TLE5: variants seen among roughly 807,000 people sequenced by gnomAD.
The protein encoded by TLE5 is TLE family member 5.
A neutral mutation model predicts 25.8 loss-of-function variants in TLE5; 7 were observed. The observed-to-expected ratio is 0.27, with a 90% confidence interval of 0.15 to 0.51. The LOEUF (loss-of-function observed/expected upper bound fraction) is 0.51. TLE5 is among the 20% of genes least tolerant of loss of function. The pLI is 0.97. For synonymous variants in TLE5, 132 were observed against 110.5 expected, an observed-to-expected ratio of 1.20 and a Z score of -1.22; for missense variants, 149 against 250.7, an observed-to-expected ratio of 0.59 and a Z score of 2.74.
chr19:3,062,859 T>C (rs11539938), upstream of TLE5: 628,107 of 1,502,992 alleles, frequency 0.42, 134,161 homozygotes, highest in East Asian at 0.53. Context: ...TGCTGAGCCT[T>C]AGTTTCCTTT....
intron 5 of TLE5, chr19:3,054,888 G>A (rs2090204149): frequency 6.6e-6 from 1 of 152,392 alleles, no homozygotes; most frequent in Non-Finnish European, 1.5e-5. Context: ...GGGCAAAGCA[G>A]GGCACCCAAA....
At chr19:3,056,219 G>T in intron 4 of TLE5, 93 bp downstream of exon 4, 1 of 903,686 alleles carries the variant, frequency 1.1e-6, no homozygotes, top group Non-Finnish European at 1.6e-6. Flanking sequence ...AGGGCCGGCC[G>T]CTACCTGCCT....
In TLE5 at chr19:3,057,697, C is replaced by T; in HGVS notation, c.171G>A (p.Met57Ile). ...CDKLASEKSE[M>I]QRHYVMYYEM... ...ACGTTACCATCACATAGTGACGCTG[C>T]ATCTCTGACTTCTCACTGGCCAACT... The change falls in exon 3 of 7, where the codon ATG becomes ATA. Residue 57 changes from methionine (M) to isoleucine (I), a missense_variant. Transcript: ENST00000327141. 1.2e-6 allele frequency: 2 copies of T among 1,613,670 alleles called. No individual in the cohort carries two copies. The highest frequency in any genetic ancestry group is 8.5e-7 in the Non-Finnish European group (1 of 1,179,946).
At chr19:3,062,607 C>G (rs2090282066), upstream of TLE5, 15 of 1,074,052 alleles carry the variant, frequency 1.4e-5, no homozygotes, top group Non-Finnish European at 1.7e-5. Flanking sequence ...CGGATCCCCA[C>G]GCCGGCCCGC....
intron 1 of TLE5, among the ~76,000 whole-genome samples, chr19:3,061,563 C>T (rs1006121342): frequency 6.6e-6 from 1 of 151,836 alleles, no homozygotes; most frequent in Non-Finnish European, 1.5e-5. Context: ...TCCAAAGCGC[C>T]GGGAGGGAGT....
chr19:3,062,514 G>T, upstream of TLE5: 3 of 638,868 alleles, frequency 4.7e-6, no homozygotes, highest in South Asian at 6.8e-5. Context: ...CTCGGCTGCT[G>T]CGGAGGCTTC....
intron 1 of TLE5, among the ~76,000 whole-genome samples, chr19:3,061,894 G>GC (rs1555697658): frequency 6.9e-6 from 1 of 145,268 alleles, no homozygotes; most frequent in Non-Finnish European, 1.5e-5. Flanking sequence ...GTTGGGGGGG[G>GC]GGGGCGCCAA....
At chr19:3,059,382 T>C (rs1437261723) in intron 2 of TLE5, among the ~76,000 whole-genome samples, 1 of 151,844 alleles carries the variant, frequency 6.6e-6, no homozygotes, top group South Asian at 2.1e-4. Context: ...ATTAGCCGGG[T>C]GTGGTGGTGC....
intron 2 of TLE5, 27 bp downstream of exon 2, chr19:3,061,133 G>C (rs1289847951): frequency 6.4e-7 from 1 of 1,558,182 alleles, no homozygotes; most frequent in Non-Finnish European, 8.9e-7. Context: ...TTCTCGGGAC[G>C]CAGGGACCCC....
rs1212259394 is a variant in TLE5, at chr19:3,061,148, C to T, written c.125+12G>A. 2 of 1,601,180 alleles carry T rather than the reference C, an allele frequency of 1.2e-6. No homozygotes were observed. The highest frequency in any genetic ancestry group is 1.7e-6 in the Non-Finnish European group (2 of 1,168,548). ...TTCTCGGGACGCAGGGACCCCCAGT[C>T]CCCCAGCTCACCTGTGGTACTGAGC... On this transcript the variant is annotated intron_variant, in intron 2 of 6. Coordinates refer to ENST00000327141, the MANE Select transcript of TLE5 (RefSeq NM_001130.6).
Position 3,062,351 on chromosome 19 carries a change from TGCGCCCCCTCCCC to T in TLE5, c.-164_-152del. ...CCCGCGCCCGGCCTCGCCCGCTTCCTGCGCCCCCTCCCCGCGCGCCCGGCCCCGGCGCGCCCCG... is the reference window on the plus strand; with the variant it reads ...CCCGCGCCCGGCCTCGCCCGCTTCCTGCGCGCCCGGCCCCGGCGCGCCCCG... On this transcript the variant is annotated 5_prime_UTR_variant, in exon 1 of 7. Coordinates refer to ENST00000327141, the MANE Select transcript of TLE5 (RefSeq NM_001130.6). The T allele has an allele frequency of 1.0e-6, 1 of 971,230 alleles. No homozygotes were observed. The highest frequency in any genetic ancestry group is 1.2e-6 in the Non-Finnish European group (1 of 823,646). 60.2% of individuals were successfully genotyped at this position (971,230 alleles called of 1,614,324 possible). A position where few individuals can be genotyped will look rare whatever the true frequency, so the allele number is the denominator to read the frequency against.
In TLE5 at chr19:3,061,332, G is replaced by C. The variant is rs537325316; in HGVS notation, c.28-75C>G. On this transcript the variant is annotated intron_variant, in intron 1 of 6. Transcript: ENST00000327141. Reference sequence around the variant, plus strand: ...CCTCAAGGGCCGGCTAGGAGGGAGCGGCCGCGCAGCTGCGGCGCCCCCCCT... The same window carrying C: ...CCTCAAGGGCCGGCTAGGAGGGAGCCGCCGCGCAGCTGCGGCGCCCCCCCT... The C allele has an allele frequency of 3.9e-5, 47 of 1,209,062 alleles. No individual in the cohort carries two copies. The East Asian group carries it at 1.1e-3, about 28-fold the overall frequency. The allele number at this position is 1,209,062 out of a possible 1,614,324, so 74.9% of individuals were successfully genotyped here. A position where few individuals can be genotyped will look rare whatever the true frequency, so the allele number is the denominator to read the frequency against.
At chr19:3,054,086 T>TCGGGGGGCC in intron 6 of TLE5, 34 bp downstream of exon 6, 5 of 1,512,798 alleles carry the variant, frequency 3.3e-6, no homozygotes, top group South Asian at 1.2e-5. Context: ...GGCCCACCTG[T>TCGGGGGGCC]CCCCCGCCCA....
intron 2 of TLE5, among the ~76,000 whole-genome samples, chr19:3,058,815 C>T (rs1393332449): frequency 1.3e-5 from 2 of 152,154 alleles, no homozygotes; most frequent in South Asian, 2.1e-4. Flanking sequence ...AAATCCAACC[C>T]AGCACAGGGG....
chr19:3,062,277 G>C lies in TLE5; in HGVS notation c.-77C>G. 3.0e-6 allele frequency: 3 copies of C among 1,013,596 alleles called. No individual in the cohort carries two copies. The highest frequency in any genetic ancestry group is 3.5e-6 in the Non-Finnish European group (3 of 849,178). 62.8% of individuals were successfully genotyped at this position (1,013,596 alleles called of 1,614,324 possible). ...GGGCTGCTGGGGGCGCCGGGCGGCCGCGCCTTTGTCCCGGCGCCGATCGGC... is the reference window on the plus strand; with the variant it reads ...GGGCTGCTGGGGGCGCCGGGCGGCCCCGCCTTTGTCCCGGCGCCGATCGGC... On this transcript the variant is annotated 5_prime_UTR_variant, in exon 1 of 7. Transcript: ENST00000327141.
intron 2 of TLE5, among the ~76,000 whole-genome samples, chr19:3,058,832 G>A (rs2090241441): frequency 2.0e-5 from 3 of 152,120 alleles, no homozygotes; most frequent in Admixed American, 1.3e-4. Flanking sequence ...GGGGCCCTGC[G>A]GACCTGGCTG....
chr19:3,058,530 C>T (rs1852329865), intron 2 of TLE5, among the ~76,000 whole-genome samples: 2 of 152,312 alleles, frequency 1.3e-5, no homozygotes, highest in Admixed American at 6.5e-5. Context: ...GCCTGGACTT[C>T]CCAGGCAGAC....
chr19:3,057,130 C>CTT (rs2090225964), intron 3 of TLE5, among the ~76,000 whole-genome samples: 1 of 152,128 alleles, frequency 6.6e-6, no homozygotes, highest in Non-Finnish European at 1.5e-5. Context: ...GAGGGCCAGG[C>CTT]CAAGGGTGGG....
rs1173988052 is a variant in TLE5 at position 3,054,162 on chromosome 19, C to T, written c.330G>A (p.Arg110=). 1 of 1,585,698 alleles carries T rather than the reference C, an allele frequency of 6.3e-7. No homozygotes were observed. Among genetic ancestry groups the T allele is most frequent in the Non-Finnish European group, 8.6e-7 (1 of 1,166,486 alleles). Residue 110 remains arginine (R), a synonymous_variant, in exon 6 of 7, where the codon AGG becomes AGA. Transcript: ENST00000327141. ...HQQQVLGAIE[R]AKQVTAPELN... ...GCTCGGGAGCGGTGACCTGCTTGGCCCTCTCAATGGCTCCCAAGACCTGCT... is the reference window on the plus strand; with the variant it reads ...GCTCGGGAGCGGTGACCTGCTTGGCTCTCTCAATGGCTCCCAAGACCTGCT...
Sources: allele counts gnomAD v4.1 joint callset (sites outside exome capture counted in the v4.1 genomes callset), GRCh38; gene constraint gnomAD v4.1.1; transcripts MANE v1.5; gene names NCBI Gene and HGNC (gene_info 2026-07-23, HGNC 2026-07-21).